Variants in SPOP observed in about 807,000 individuals in gnomAD.
SPOP encodes speckle-type POZ protein.
SPOP carries 11 observed loss-of-function variants against 45.6 expected under a neutral mutation model. The ratio of observed to expected loss-of-function variants is 0.24; its 90% CI spans 0.15 to 0.40. The LOEUF (loss-of-function observed/expected upper bound fraction) is 0.40. Ranked by LOEUF, SPOP falls within the 10% of genes least tolerant of loss-of-function variation. The pLI, the probability that SPOP is intolerant of heterozygous loss-of-function variation, is 1.00. For missense variants in SPOP, 152 were observed against 465.6 expected (o/e 0.33, Z 6.20); for synonymous variants, 166 against 166.3 (o/e 1.00, Z 0.01).
intron 1 of SPOP, among the ~76,000 whole-genome samples, chr17:49,670,007 C>G (rs1434322817): frequency 6.6e-6 from 1 of 152,134 alleles, no homozygotes; most frequent in Non-Finnish European, 1.5e-5. Flanking sequence ...GAGATTTACA[C>G]TAACAGCTTT....
chr17:49,666,325 A>G (rs2073057387), intron 1 of SPOP, among the ~76,000 whole-genome samples: 6 of 152,044 alleles, frequency 3.9e-5, no homozygotes. Context: ...CACAGGAAAC[A>G]TCGAAATAAA....
At chr17:49,668,969 G>A (rs1697567303) in intron 1 of SPOP, among the ~76,000 whole-genome samples, 2 of 151,462 alleles carry the variant, frequency 1.3e-5, no homozygotes, top group Non-Finnish European at 2.9e-5. Context: ...GTAGAGACGG[G>A]GTTTCACCGC....
At chr17:49,662,991 G>T (rs922096751) in intron 1 of SPOP, among the ~76,000 whole-genome samples, 2 of 152,186 alleles carry the variant, frequency 1.3e-5, no homozygotes, top group Non-Finnish European at 2.9e-5. Context: ...ACAATACCAA[G>T]AAATTGTTTG....
chr17:49,612,582 C>A (rs2071996884), intron 5 of SPOP, among the ~76,000 whole-genome samples: 1 of 152,194 alleles, frequency 6.6e-6, no homozygotes, highest in South Asian at 2.1e-4. Context: ...CTAGGTGAGT[C>A]AGTGAAACTC....
intron 3 of SPOP, among the ~76,000 whole-genome samples, chr17:49,620,030 C>A (rs901302527): frequency 6.6e-6 from 1 of 151,898 alleles, no homozygotes; most frequent in Non-Finnish European, 1.5e-5. Flanking sequence ...ACTAGTTGGG[C>A]GTGGTGGCAG....
chr17:49,673,362 C>T lies in SPOP; in HGVS notation c.-67+4571G>A, dbSNP rs964526309. On this transcript the variant is annotated intron_variant, in intron 1 of 9. Transcript: ENST00000504102. ...CTACTAAAAAATACAAAAAATTAGC[C>T]GGGCGTGGTGGCGGGCGCCTGTAGT... Among the ~76,000 whole-genome samples, 13 of 151,962 alleles carry T rather than the reference C, an allele frequency of 8.6e-5. 1 individual carries two copies. Among genetic ancestry groups the T allele is most frequent in the African/African-American group, 2.4e-4 (10 of 41,460 alleles).
chr17:49,671,424 A>G (rs929958068), intron 1 of SPOP, among the ~76,000 whole-genome samples: 5 of 152,034 alleles, frequency 3.3e-5, no homozygotes, highest in African/African-American at 1.2e-4. Context: ...AGGGTTCTGC[A>G]TCTAGGACGG....
rs111864010 is a variant in SPOP at position 49,600,180 on chromosome 17, G to A, written c.*198C>T. 1.9e-5 allele frequency: 14 copies of A among 720,532 alleles called. 1 individual carries two copies. Among genetic ancestry groups the A allele is most frequent in the African/African-American group, 8.8e-5 (5 of 56,752 alleles). The allele number at this position is 720,532 out of a possible 1,614,324, so 44.6% of individuals were successfully genotyped here. On this transcript the variant is annotated 3_prime_UTR_variant, in exon 10 of 10. Coordinates refer to ENST00000504102, the MANE Select transcript of SPOP (RefSeq NM_001007228.2). This position sits in a 1 kb window ranked among gnomAD's most constrained non-coding sequence, Gnocchi z 4.2. ...GGGAACACAGTGACGCAGCAACAGG[G>A]TTTTCATTTCATTTTCCCTCCCCCC... is the stretch of plus-strand genomic sequence containing the variant.
intron 1 of SPOP, among the ~76,000 whole-genome samples, chr17:49,639,665 T>C (rs2072610178): frequency 6.6e-6 from 1 of 152,200 alleles, no homozygotes; most frequent in Non-Finnish European, 1.5e-5. Context: ...TATTCCAATT[T>C]ATACAAAGTT....
intron 1 of SPOP, among the ~76,000 whole-genome samples, chr17:49,639,249 GGGTT>G (rs565472473): frequency 6.6e-6 from 1 of 151,996 alleles, no homozygotes; most frequent in South Asian, 2.1e-4. Context: ...CTTAAGGTTT[GGGTT>G]TCTCAAAATT....
intron 6 of SPOP, among the ~76,000 whole-genome samples, chr17:49,610,231 T>C (rs1165589765): frequency 3.3e-5 from 5 of 151,876 alleles, no homozygotes; most frequent in Admixed American, 6.6e-5. Context: ...TGTTTTTTTT[T>C]CCCCCGAGAC....
chr17:49,646,348 G>C (rs1336501261), intron 1 of SPOP: 1 of 152,340 alleles, frequency 6.6e-6, no homozygotes, highest in Admixed American at 6.5e-5. Flanking sequence ...CAGATCACTT[G>C]AGGTCAGGAG....
chr17:49,622,162 G>A, intron 2 of SPOP, 95 bp from the exon 3 acceptor site: 2 of 1,459,976 alleles, frequency 1.4e-6, no homozygotes, highest in South Asian at 1.2e-5. Context: ...CCCTCCCTCT[G>A]CATGATCCTG....
chr17:49,600,264 C>T lies in SPOP; in HGVS notation c.*114G>A, dbSNP rs2071715603. 17 of 1,382,126 alleles carry T rather than the reference C, an allele frequency of 1.2e-5. No individual in the cohort carries two copies. The highest frequency in any genetic ancestry group is 1.7e-5 in the Non-Finnish European group (17 of 996,588). 85.6% of individuals were successfully genotyped at this position (1,382,126 alleles called of 1,614,324 possible). ...GTCTGGGGCCACAATGCAGTCTCTT[C>T]CCCTCACAACAGAGTAAAAGCTCCA... On this transcript the variant is annotated 3_prime_UTR_variant, in exon 10 of 10. Coordinates refer to ENST00000504102, the MANE Select transcript of SPOP (RefSeq NM_001007228.2). The surrounding 1 kb of genome is among the most constrained non-coding windows in gnomAD (Gnocchi z 4.2).
intron 2 of SPOP, 66 bp from the exon 3 acceptor site, chr17:49,622,133 G>A (rs997058319): frequency 1.3e-6 from 2 of 1,576,850 alleles, no homozygotes; most frequent in Non-Finnish European, 8.6e-7. Flanking sequence ...AGGATGAAGG[G>A]CAGATTATCA....
chr17:49,648,907 G>T (rs551413884), intron 1 of SPOP, among the ~76,000 whole-genome samples: 11 of 151,940 alleles, frequency 7.2e-5, no homozygotes, highest in Non-Finnish European at 1.5e-4. Flanking sequence ...ACAGGCGCCC[G>T]CCACCACGCC....
intron 5 of SPOP, among the ~76,000 whole-genome samples, chr17:49,616,960 G>T (rs936012036): frequency 6.6e-6 from 1 of 152,240 alleles, no homozygotes; most frequent in Non-Finnish European, 1.5e-5. Context: ...GAAGTGAAGG[G>T]AGAGAGCGAG....
chr17:49,624,319 A>ATG (rs1555575614), intron 1 of SPOP, among the ~76,000 whole-genome samples: 21 of 118,778 alleles, frequency 1.8e-4, no homozygotes, highest in African/African-American at 6.2e-4. Context: ...ACACACACAC[A>ATG]CGCGCGCGCG....
At chr17:49,629,451 AT>A (rs1270661821) in intron 1 of SPOP, among the ~76,000 whole-genome samples, 1 of 152,200 alleles carries the variant, frequency 6.6e-6, no homozygotes, top group Non-Finnish European at 1.5e-5. Context: ...GGTACCTCTA[AT>A]CCCAGTCCTG....
Sources: gnomAD v4.1 joint callset for allele counts (sites outside exome capture counted in the v4.1 genomes callset) on GRCh38, gnomAD v4.1.1 for gene constraint, Gnocchi (gnomAD v3.1) non-coding constraint, MANE v1.5 for transcripts, NCBI Gene and HGNC (gene_info 2026-07-23, HGNC 2026-07-21) for gene names.